Variants in RAD17 observed in about 807,000 individuals in gnomAD.
RAD17 encodes cell cycle checkpoint protein RAD17.
RAD17 carries 31 observed loss-of-function variants against 81.5 expected under a neutral mutation model. The observed-to-expected ratio is 0.38, with a 90% CI of 0.29 to 0.51. The LOEUF is 0.51. Among genes scored for constraint, RAD17 ranks in the 20% least tolerant of loss-of-function variants. The pLI, the probability that RAD17 is intolerant of heterozygous loss-of-function variation, is 0.88. For synonymous variants in RAD17, 261 were observed against 266.2 expected, an observed-to-expected ratio of 0.98 and a Z score of 0.19; for missense variants, 681 against 781.2, an observed-to-expected ratio of 0.87 and a Z score of 1.53.
At chr5:69,400,648 A>T (rs1480186751) in intron 17 of RAD17, among the ~76,000 whole-genome samples, 2 of 151,800 alleles carry the variant, frequency 1.3e-5, no homozygotes, top group Non-Finnish European at 2.9e-5. Context: ...AAACGCATCA[A>T]ACAGGCCAGG....
At chr5:69,392,070 A>C in intron 13 of RAD17, 57 bp downstream of exon 13, 2 of 1,329,036 alleles carry the variant, frequency 1.5e-6, no homozygotes, top group South Asian at 1.7e-5. Flanking sequence ...TTAAAATGGA[A>C]ATAAAATGTC....
At chr5:69,371,752 GT>G (rs929310954) in intron 3 of RAD17, among the ~76,000 whole-genome samples, 195 bp downstream of exon 3, 1 of 152,144 alleles carries the variant, frequency 6.6e-6, no homozygotes, top group Non-Finnish European at 1.5e-5. Context: ...TTGAAAAAGT[GT>G]TTTACAGTCC....
chr5:69,381,915 A>G lies in RAD17; in HGVS notation c.366A>G (p.Leu122=), dbSNP rs773578866. 3 of 1,596,800 alleles carry G rather than the reference A, an allele frequency of 1.9e-6. No homozygotes were observed. The highest frequency in any genetic ancestry group is 1.1e-5 in the South Asian group (1 of 88,060). Residue 122 remains leucine, a synonymous_variant, in exon 7 of 19, where the codon TTA becomes TTG. Coordinates refer to ENST00000354868, the MANE Select transcript of RAD17 (RefSeq NM_133338.3). ...TTTGATTTTAGGGTGGATCTATTTT[A>G]TTAATAACAGGTCCTCCTGGATGTG... is the stretch of plus-strand genomic sequence containing the variant. ...ERQPKQGGSI[L]LITGPPGCGK... is the part of the protein sequence containing the mutation.
Position 69,384,890 on chromosome 5 carries a change from T to C in RAD17, c.602T>C (p.Leu201Pro), listed in dbSNP as rs763304839. 14 of 1,612,856 alleles carry C rather than the reference T, an allele frequency of 8.7e-6. No individual in the cohort carries two copies. In the Admixed American group the frequency reaches 2.2e-4, roughly 25 times the overall value. Reference sequence around the variant, plus strand: ...ACAAAGTATAACAAGTTACAAATGCTTGGAGATGATCTGAGAACTGATAAG... The same window carrying C: ...ACAAAGTATAACAAGTTACAAATGCCTGGAGATGATCTGAGAACTGATAAG... ...RATKYNKLQM[L>P]GDDLRTDKKI... is the part of the protein sequence containing the mutation. Residue 201 changes from leucine to proline, a missense_variant, in exon 8 of 19, where the codon CTT becomes CCT. Transcript: ENST00000354868.
chr5:69,399,112 A>G (rs1207747365), intron 16 of RAD17, among the ~76,000 whole-genome samples: 2 of 151,882 alleles, frequency 1.3e-5, no homozygotes, highest in Admixed American at 1.3e-4. Context: ...AAAAGGAAAA[A>G]TTTTTTTTGT....
intron 18 of RAD17, among the ~76,000 whole-genome samples, 170 bp from the exon 19 acceptor site, chr5:69,413,861 C>T (rs1378797294): frequency 1.3e-5 from 2 of 152,168 alleles, no homozygotes; most frequent in East Asian, 1.9e-4. Context: ...GTTGTAGGAA[C>T]TTATTCAGTT....
chr5:69,381,870 G>T (rs1321434908), intron 6 of RAD17, 31 bp from the exon 7 acceptor site: 7 of 1,508,184 alleles, frequency 4.6e-6, no homozygotes, highest in East Asian at 4.6e-5. Context: ...AGTGATTTTG[G>T]TTTTTAATTC....
intron 17 of RAD17, among the ~76,000 whole-genome samples, chr5:69,407,569 T>TTTTGTTTTG (rs1206887542): frequency 6.0e-4 from 73 of 121,544 alleles, no homozygotes; most frequent in African/African-American, 2.1e-3. Context: ...CAAGTTTTTT[T>TTTTGTTTTG]TTTTTTTTTT....
chr5:69,380,629 T>C (rs1408915908), intron 6 of RAD17, among the ~76,000 whole-genome samples: 1 of 152,178 alleles, frequency 6.6e-6, no homozygotes, highest in African/African-American at 2.4e-5. Flanking sequence ...TACCATTGTA[T>C]GTAGGAAATC....
chr5:69,410,965 C>CTATATATATATATATATATATATA (rs1554044686), intron 18 of RAD17, among the ~76,000 whole-genome samples: 7 of 90,258 alleles, frequency 7.8e-5, no homozygotes, highest in African/African-American at 2.0e-4. Flanking sequence ...AGATGTCTGT[C>CTATATATATATATATATATATATA]TATATATATA....
intron 16 of RAD17, 108 bp downstream of exon 16, chr5:69,396,654 T>C: frequency 8.4e-7 from 1 of 1,193,332 alleles, no homozygotes; most frequent in African/African-American, 1.5e-5. Context: ...GGAAAAAATA[T>C]TTCATTTTTA....
At chr5:69,405,393 G>A (rs1456834462) in intron 17 of RAD17, among the ~76,000 whole-genome samples, 5 of 151,590 alleles carry the variant, frequency 3.3e-5, no homozygotes, top group Admixed American at 2.6e-4. Context: ...TAGGCCAGGC[G>A]TGGTGGCTCA....
At chr5:69,400,767 C>A (rs1765216075) in intron 17 of RAD17, among the ~76,000 whole-genome samples, 1 of 151,804 alleles carries the variant, frequency 6.6e-6, no homozygotes, top group African/African-American at 2.4e-5. Flanking sequence ...AACCCTGTCT[C>A]TACTAAAAAT....
Position 69,414,433 on chromosome 5 carries a change from G to GA in RAD17, c.*144dup, listed in dbSNP as rs1171974221. On this transcript the variant is annotated 3_prime_UTR_variant, in exon 19 of 19. Coordinates refer to ENST00000354868, the MANE Select transcript of RAD17 (RefSeq NM_133338.3). ...TCATTCTTGTAGTATTTCATCACAAGAAACCTACTCTTCTGTCATCTTGAA... is the reference window on the plus strand; with the variant it reads ...TCATTCTTGTAGTATTTCATCACAAGAAAACCTACTCTTCTGTCATCTTGAA... 1 of 952,232 alleles carries GA rather than the reference G, an allele frequency of 1.1e-6. No individual in the cohort carries two copies. Among genetic ancestry groups the GA allele is most frequent in the African/African-American group, 1.7e-5 (1 of 60,148 alleles). The allele number at this position is 952,232 out of a possible 1,614,324, so 59.0% of individuals were successfully genotyped here. A position where few individuals can be genotyped will look rare whatever the true frequency, so the allele number is the denominator to read the frequency against.
intron 6 of RAD17, among the ~76,000 whole-genome samples, chr5:69,377,559 GTATATATA>G (rs1183524027): frequency 9.7e-5 from 1 of 10,260 alleles, no homozygotes; most frequent in South Asian, 2.3e-3. Context: ...GCATATATAT[GTATATATA>G]TATGCATATA....
Position 69,373,943 on chromosome 5 carries a change from G to A in RAD17, c.123G>A (p.Gly41=). The change falls in exon 5 of 19, where the codon GGG becomes GGA. Residue 41 remains glycine, a synonymous_variant. Transcript: ENST00000354868. The part of the protein sequence containing the change: ...VNNSSHRRKN[G]PSTLESSRFP... Reference sequence around the variant, plus strand: ...ACTCAAGTCATAGAAGAAAAAATGGGCCTTCTACATTAGAAAGCAGCAGAT... The same window carrying A: ...ACTCAAGTCATAGAAGAAAAAATGGACCTTCTACATTAGAAAGCAGCAGAT... The A allele has an allele frequency of 6.2e-7, 1 of 1,613,174 alleles. No homozygotes were observed. Among genetic ancestry groups the A allele is most frequent in the Non-Finnish European group, 8.5e-7 (1 of 1,179,526 alleles).
At position 69,371,037 on chromosome 5, in the gene RAD17, A is replaced by G. The variant is rs1186438555; in HGVS notation, c.-414A>G. 8.8e-6 allele frequency: 3 copies of G among 342,270 alleles called. No homozygotes were observed. The highest frequency in any genetic ancestry group is 6.5e-5 in the African/African-American group (3 of 46,464). 21.2% of individuals were successfully genotyped at this position (342,270 alleles called of 1,614,324 possible). The stretch of plus-strand genomic sequence containing the variant: ...AGACTTAAATTCTTCGTCCACAGCA[A>G]GTGAATTCATGGTATTTTACTTTTT... On this transcript the variant is annotated splice_region_variant and 5_prime_UTR_variant, in exon 2 of 19. Coordinates refer to ENST00000354868, the MANE Select transcript of RAD17 (RefSeq NM_133338.3).
chr5:69,382,638 A>G (rs565289425), intron 7 of RAD17, among the ~76,000 whole-genome samples: 17 of 152,256 alleles, frequency 1.1e-4, no homozygotes, highest in African/African-American at 3.6e-4. Context: ...TTATTTGTTA[A>G]ATCAAGCCTT....
At chr5:69,391,075 A>G (rs1764526823) in intron 12 of RAD17, among the ~76,000 whole-genome samples, 1 of 152,002 alleles carries the variant, frequency 6.6e-6, no homozygotes, top group Admixed American at 6.6e-5. Context: ...CATCTCTGCT[A>G]AAAATACAAA....
Sources: allele counts gnomAD v4.1 joint callset (sites outside exome capture counted in the v4.1 genomes callset), GRCh38; gene constraint gnomAD v4.1.1; transcripts MANE v1.5; gene names NCBI Gene and HGNC (gene_info 2026-07-23, HGNC 2026-07-21).